Variants in INTS14 observed in about 807,000 individuals in gnomAD.
INTS14 encodes the protein UPF0464 protein C15orf44.
A neutral mutation model predicts 56.9 loss-of-function variants in INTS14; 27 were observed. The observed-to-expected ratio is 0.47, with a 90% CI of 0.35 to 0.65. The LOEUF is 0.65. Ranked by LOEUF, INTS14 falls within the 30% of genes least tolerant of loss-of-function variation. INTS14 has a pLI of 0.00. For missense variants in INTS14, 517 were observed against 632.2 expected, an observed-to-expected ratio of 0.82 and a Z score of 1.95; for synonymous variants, 207 against 236.2, an observed-to-expected ratio of 0.88 and a Z score of 1.13.
chr15:65,588,282 C>T (rs895469076), intron 9 of INTS14, among the ~76,000 whole-genome samples: 3 of 151,620 alleles, frequency 2.0e-5, no homozygotes, highest in Non-Finnish European at 4.4e-5. Context: ...GAGCAAGACT[C>T]CATCTCAAAA....
intron 11 of INTS14, 68 bp from the exon 12 acceptor site, chr15:65,579,727 A>G (rs2072518646): frequency 1.3e-6 from 2 of 1,539,650 alleles, no homozygotes; most frequent in Non-Finnish European, 1.8e-6. Flanking sequence ...CTAAGTGCTC[A>G]GCTTAGCATA....
At chr15:65,598,672 A>C in intron 5 of INTS14, 200 bp downstream of exon 5, 2 of 710,682 alleles carry the variant, frequency 2.8e-6, no homozygotes, top group Non-Finnish European at 4.5e-6. Context: ...TTGCTGAGTC[A>C]TTATAAGGAA....
intron 2 of INTS14, 33 bp downstream of exon 2, chr15:65,607,126 C>T (rs1163621813): frequency 1.2e-6 from 2 of 1,608,646 alleles, no homozygotes; most frequent in Non-Finnish European, 8.5e-7. Flanking sequence ...AAATTTAGGC[C>T]CTGTACATAC....
intron 3 of INTS14, among the ~76,000 whole-genome samples, chr15:65,604,646 C>T (rs969985751): frequency 1.3e-5 from 2 of 151,462 alleles, no homozygotes; most frequent in African/African-American, 4.9e-5. Context: ...GGGAGAATCA[C>T]CTGAGCCTCG....
At chr15:65,609,900 T>C (rs2073818233) in intron 1 of INTS14, among the ~76,000 whole-genome samples, 1 of 152,158 alleles carries the variant, frequency 6.6e-6, no homozygotes, top group African/African-American at 2.4e-5. Flanking sequence ...TTGCCTTCTC[T>C]GAAGACACCT....
chr15:65,584,714 T>G, intron 10 of INTS14, 56 bp downstream of exon 10: 1 of 1,438,478 alleles, frequency 7.0e-7, no homozygotes, highest in Non-Finnish European at 9.6e-7. Context: ...AATGCCTGCC[T>G]GCCTACCCAA....
intron 7 of INTS14, among the ~76,000 whole-genome samples, chr15:65,595,409 C>G (rs930873531): frequency 1.3e-5 from 2 of 152,182 alleles, no homozygotes; most frequent in African/African-American, 4.8e-5. Context: ...AAGTAACCAT[C>G]TGATAACTAC....
intron 7 of INTS14, 125 bp from the exon 8 acceptor site, chr15:65,593,697 A>T: frequency 2.6e-6 from 3 of 1,152,726 alleles, no homozygotes; most frequent in Non-Finnish European, 3.4e-6. Flanking sequence ...ATATTATAAC[A>T]AGCAGGAAAA....
intron 2 of INTS14, among the ~76,000 whole-genome samples, chr15:65,605,730 T>C (rs1195111197): frequency 2.0e-5 from 3 of 152,190 alleles, no homozygotes; most frequent in Non-Finnish European, 4.4e-5. Context: ...CCTGGATTTG[T>C]AAGTATGCAG....
In INTS14 at chr15:65,579,128, T is replaced by C. The variant is rs1370515304; in HGVS notation, c.*280A>G. On this transcript the variant is annotated 3_prime_UTR_variant, in exon 12 of 12. Transcript: ENST00000313182. ...GGAAGGCAGGGGTGCTCTATGCTCATCAGTCATTCAAGCTTCTCAGGAAAT... is the reference window on the plus strand; with the variant it reads ...GGAAGGCAGGGGTGCTCTATGCTCACCAGTCATTCAAGCTTCTCAGGAAAT... The C allele has an allele frequency of 2.8e-6, 1 of 363,260 alleles. No individual in the cohort carries two copies. Among genetic ancestry groups the C allele is most frequent in the Non-Finnish European group, 5.0e-6 (1 of 198,790 alleles). The allele number at this position is 363,260 out of a possible 1,614,324, so 22.5% of individuals were successfully genotyped here.
At chr15:65,583,901 G>A (rs1051772034) in intron 10 of INTS14, among the ~76,000 whole-genome samples, 4 of 152,198 alleles carry the variant, frequency 2.6e-5, no homozygotes, top group African/African-American at 9.7e-5. Context: ...TTGGCAGGAT[G>A]TGGTTCAGTC....
rs779740994 is a variant in INTS14 at position 65,579,660 on chromosome 15, C to T, written c.1306-1G>A. 6.2e-7 allele frequency: 1 copy of T among 1,610,024 alleles called. No homozygotes were observed. On this transcript the variant is annotated splice_acceptor_variant, in intron 11 of 11. Transcript: ENST00000313182. LOFTEE classifies it high-confidence loss of function. ...CGGCCTTTCGCAAACGGTTCAGCTC[C>T]TGAAACAAGACAGAAAATCACCAAT... is the stretch of plus-strand genomic sequence containing the variant.
chr15:65,600,653 G>A (rs1285988195), intron 3 of INTS14, among the ~76,000 whole-genome samples: 6 of 139,410 alleles, frequency 4.3e-5, no homozygotes, highest in African/African-American at 1.7e-4. Context: ...ACCTGGCCCC[G>A]CAAAAAAAAA....
At chr15:65,588,885 T>C (rs188230444) in intron 9 of INTS14, among the ~76,000 whole-genome samples, 1 of 152,160 alleles carries the variant, frequency 6.6e-6, no homozygotes, top group Non-Finnish European at 1.5e-5. Flanking sequence ...GAGAGTTAAA[T>C]GAGATGGTAT....
intron 8 of INTS14, among the ~76,000 whole-genome samples, chr15:65,592,970 A>G (rs2073081375): frequency 6.6e-6 from 1 of 152,104 alleles, no homozygotes; most frequent in Admixed American, 6.6e-5. Flanking sequence ...AGAAGGTAAT[A>G]GCAGCTAGGT....
At chr15:65,611,002 G>A in intron 1 of INTS14, 96 bp downstream of exon 1, 7 of 1,510,352 alleles carry the variant, frequency 4.6e-6, no homozygotes, top group South Asian at 1.2e-5. Context: ...GGAAGGCCAA[G>A]CGCTGGCCCT....
Position 65,598,307 on chromosome 15 carries a change from T to G in INTS14, c.748+14A>C, listed in dbSNP as rs1489896678. The G allele has an allele frequency of 6.2e-7, 1 of 1,606,934 alleles. No homozygotes were observed. The highest frequency in any genetic ancestry group is 1.1e-5 in the South Asian group (1 of 90,150). ...AACAGAGAAACTAAGAAATAAGTTT[T>G]TTTAAAAAGTTACCTGTGTTAATGA... On this transcript the variant is annotated intron_variant, in intron 6 of 11. Coordinates refer to ENST00000313182, the MANE Select transcript of INTS14 (RefSeq NM_001394796.1).
At chr15:65,608,757 G>A (rs2073746896) in intron 1 of INTS14, among the ~76,000 whole-genome samples, 1 of 152,174 alleles carries the variant, frequency 6.6e-6, no homozygotes, top group South Asian at 2.1e-4. Flanking sequence ...AGAGAGATTA[G>A]GTGGATATAA....
intron 1 of INTS14, among the ~76,000 whole-genome samples, chr15:65,609,639 T>C (rs1392994024): frequency 2.6e-5 from 4 of 152,180 alleles, no homozygotes; most frequent in Non-Finnish European, 5.9e-5. Context: ...ATGTTAACTC[T>C]GGACACCAGA....
Sources: gnomAD v4.1 joint callset for allele counts (sites outside exome capture counted in the v4.1 genomes callset) on GRCh38, gnomAD v4.1.1 for gene constraint, MANE v1.5 for transcripts, NCBI Gene and HGNC (gene_info 2026-07-23, HGNC 2026-07-21) for gene names.